The following DOP1A variants were observed in gnomAD, a reference collection of about 807,000 sequenced individuals.
DOP1A encodes the protein protein DOP1A.
DOP1A carries 90 observed loss-of-function variants against 267.6 expected under a neutral mutation model. The observed-to-expected ratio is 0.34, with a 90% CI of 0.28 to 0.40. The LOEUF is 0.40. DOP1A is among the 10% of genes least tolerant of loss of function. The pLI, the probability that DOP1A is intolerant of heterozygous loss-of-function variation, is 1.00. For missense variants in DOP1A, 2,437 were observed against 2,900.4 expected (o/e 0.84, Z 3.67); for synonymous variants, 932 against 999.1 (o/e 0.93, Z 1.27).
intron 1 of DOP1A, among the ~76,000 whole-genome samples, chr6:83,073,379 C>A (rs1188791875): frequency 5.9e-5 from 9 of 152,288 alleles, no homozygotes; most frequent in Admixed American, 5.9e-4. Flanking sequence ...TGAGCCACCA[C>A]ACCTGGCCAG....
Position 83,168,363 on chromosome 6 carries a change from T to C in DOP1A, c.*196T>C, listed in dbSNP as rs986619631. On this transcript the variant is annotated 3_prime_UTR_variant, in exon 39 of 39. Coordinates refer to ENST00000349129, the MANE Select transcript of DOP1A (RefSeq NM_015018.4). ...AAGTTTAAATATTGTTGGCTCATAC[T>C]GATTATGGTGCCTAAGAGAGCTATA... 1.9e-5 allele frequency: 26 copies of C among 1,390,016 alleles called. No individual in the cohort carries two copies. Among genetic ancestry groups the C allele is most frequent in the Non-Finnish European group, 1.9e-6 (2 of 1,075,900 alleles). The allele number at this position is 1,390,016 out of a possible 1,614,324, so 86.1% of individuals were successfully genotyped here.
chr6:83,149,107 T>TA (rs1419591743), intron 27 of DOP1A, among the ~76,000 whole-genome samples: 3 of 152,224 alleles, frequency 2.0e-5, no homozygotes, highest in Non-Finnish European at 2.9e-5. Flanking sequence ...ATAAAACTGT[T>TA]ACAACAGTAG....
chr6:83,070,717 CTTTTCACATTTTTTT>C (rs1286899819), intron 1 of DOP1A, among the ~76,000 whole-genome samples: 1 of 61,926 alleles, frequency 1.6e-5, no homozygotes, highest in Non-Finnish European at 3.3e-5. Flanking sequence ...TCTGACTTTC[CTTTTCACATTTTTTT>C]TTTTCATCAT....
chr6:83,110,354 C>T lies in DOP1A; in HGVS notation c.681+40C>T, dbSNP rs374726807. On this transcript the variant is annotated intron_variant, in intron 6 of 38. Coordinates refer to ENST00000349129, the MANE Select transcript of DOP1A (RefSeq NM_015018.4). ...ATGGTTGCTCATTTCACAAATATTT[C>T]TTTAGAGTCAGGCACTATTCCAGAC... is the stretch of plus-strand genomic sequence containing the variant. 8.4e-4 allele frequency: 1,325 copies of T among 1,584,200 alleles called. 5 individuals are homozygous for T. Among genetic ancestry groups the T allele is most frequent in the South Asian group, 4.1e-3 (350 of 86,362 alleles).
chr6:83,101,925 A>G (rs1772659157), intron 4 of DOP1A, among the ~76,000 whole-genome samples: 1 of 151,870 alleles, frequency 6.6e-6, no homozygotes, highest in South Asian at 2.1e-4. Context: ...ATAAAATATT[A>G]TTAATTATAG....
At chr6:83,105,397 C>T (rs536666319) in intron 4 of DOP1A, among the ~76,000 whole-genome samples, 1 of 116,834 alleles carries the variant, frequency 8.6e-6, no homozygotes, top group Non-Finnish European at 1.6e-5. Context: ...GACAGTCTCG[C>T]TCTGTCACCC....
chr6:83,085,581 A>G (rs1477444088), intron 1 of DOP1A, among the ~76,000 whole-genome samples: 1 of 152,178 alleles, frequency 6.6e-6, no homozygotes, highest in Non-Finnish European at 1.5e-5. Context: ...CAAAATGCCT[A>G]GAATGCAAAA....
intron 14 of DOP1A, 51 bp from the exon 15 acceptor site, chr6:83,125,449 C>A: frequency 6.5e-7 from 1 of 1,535,240 alleles, no homozygotes; most frequent in South Asian, 1.2e-5. Flanking sequence ...AAAAATGTAA[C>A]TTTTGGGTTC....
chr6:83,167,750 T>C, intron 38 of DOP1A, 112 bp from the exon 39 acceptor site: 1 of 1,449,496 alleles, frequency 6.9e-7, no homozygotes, highest in Non-Finnish European at 9.1e-7. Context: ...AGAAACTTAA[T>C]GTCATTTGTA....
At chr6:83,100,921 A>G (rs1772448217) in intron 4 of DOP1A, 35 bp downstream of exon 4, 3 of 1,259,310 alleles carry the variant, frequency 2.4e-6, no homozygotes, top group Admixed American at 5.7e-5. Flanking sequence ...TACAAATAAT[A>G]TAAAGAAAAT....
intron 37 of DOP1A, among the ~76,000 whole-genome samples, chr6:83,160,997 T>C (rs920067383): frequency 6.6e-6 from 1 of 152,050 alleles, no homozygotes; most frequent in Non-Finnish European, 1.5e-5. Context: ...ATATCTACTT[T>C]TTGATGAATT....
rs1292884913 is a variant in DOP1A at position 83,135,964 on chromosome 6, C to T, written c.3130+86C>T. ...AATACAACAGTAATTGTTGAAAGAA[C>T]TGCATGTGAGATTTTCTCCATGGGC... On this transcript the variant is annotated intron_variant, in intron 20 of 38. Coordinates refer to ENST00000349129, the MANE Select transcript of DOP1A (RefSeq NM_015018.4). 4.1e-6 allele frequency: 6 copies of T among 1,461,786 alleles called. No individual in the cohort carries two copies. In the African/African-American group the frequency reaches 5.7e-5, roughly 14 times the overall value. The allele number at this position is 1,461,786 out of a possible 1,614,324, so 90.6% of individuals were successfully genotyped here.
chr6:83,075,992 G>C (rs955376261), intron 1 of DOP1A, among the ~76,000 whole-genome samples: 1 of 152,166 alleles, frequency 6.6e-6, no homozygotes, highest in African/African-American at 2.4e-5. Flanking sequence ...AAATAGGATT[G>C]TATTAATCTT....
At chr6:83,085,754 C>T (rs925062932) in intron 1 of DOP1A, among the ~76,000 whole-genome samples, 3 of 151,576 alleles carry the variant, frequency 2.0e-5, no homozygotes, top group African/African-American at 7.3e-5. Flanking sequence ...TTGAGGAAAA[C>T]CATTGATGGG....
intron 1 of DOP1A, among the ~76,000 whole-genome samples, chr6:83,078,959 A>G (rs1767608990): frequency 6.6e-6 from 1 of 152,082 alleles, no homozygotes; most frequent in Admixed American, 6.6e-5. Context: ...ATGAGAGGGG[A>G]TGGACATTGA....
At chr6:83,122,784 T>C in intron 11 of DOP1A, 79 bp from the exon 12 acceptor site, 4 of 1,077,250 alleles carry the variant, frequency 3.7e-6, no homozygotes, top group Non-Finnish European at 5.0e-6. Context: ...GAATATGTAC[T>C]GGCACTGCAC....
At chr6:83,163,094 A>G (rs1784615210) in intron 38 of DOP1A, among the ~76,000 whole-genome samples, 175 bp downstream of exon 38, 1 of 152,194 alleles carries the variant, frequency 6.6e-6, no homozygotes, top group Non-Finnish European at 1.5e-5. Flanking sequence ...GACATTAGAA[A>G]ACATATCGTA....
At chr6:83,162,382 A>AT (rs1396709345) in intron 37 of DOP1A, among the ~76,000 whole-genome samples, 2 of 152,186 alleles carry the variant, frequency 1.3e-5, no homozygotes, top group Non-Finnish European at 2.9e-5. Context: ...TTGGCCAGTT[A>AT]TATGTTGAAA....
At chr6:83,109,195 T>C in intron 5 of DOP1A, 115 bp downstream of exon 5, 7 of 863,208 alleles carry the variant, frequency 8.1e-6, no homozygotes, top group Non-Finnish European at 1.2e-5. Context: ...GTTCAGTATA[T>C]CACATGAATA....
Sources: gnomAD v4.1 joint callset for allele counts (sites outside exome capture counted in the v4.1 genomes callset) on GRCh38, gnomAD v4.1.1 for gene constraint, MANE v1.5 for transcripts, NCBI Gene and HGNC (gene_info 2026-07-23, HGNC 2026-07-21) for gene names.